IL26: variants seen among roughly 807,000 people sequenced by gnomAD.
IL26 encodes the protein interleukin 26.
In IL26, 23 loss-of-function variants were observed where a neutral mutation model predicts 21.7. The ratio of observed to expected loss-of-function variants is 1.06; its 90% CI spans 0.76 to 1.50. The LOEUF (loss-of-function observed/expected upper bound fraction) is 1.50, where lower values mean the gene tolerates loss of function less well. IL26 is among the 40% of genes most tolerant of loss of function. IL26 has a pLI of 0.00. For missense variants in IL26, 204 were observed against 196.0 expected (o/e 1.04, Z -0.24); for synonymous variants, 63 against 67.8 (o/e 0.93, Z 0.34).
At chr12:68,215,777 C>T (rs1053748986) in intron 3 of IL26, among the ~76,000 whole-genome samples, 1 of 152,080 alleles carries the variant, frequency 6.6e-6, no homozygotes, top group African/African-American at 2.4e-5. Context: ...AAGTAATCCT[C>T]GTGCCTCAGC....
In IL26 at chr12:68,201,917, T is replaced by G; in HGVS notation, c.444A>C (p.Gly148=). The G allele has an allele frequency of 6.3e-7, 1 of 1,599,758 alleles. No individual in the cohort carries two copies. The highest frequency in any genetic ancestry group is 1.1e-5 in the South Asian group (1 of 86,968). Reference sequence around the variant, plus strand: ...CCAGTTCACTGATGGCTTTGTAGATTCCTTTGTTTCCAATCTGCAGATAAA... The same window carrying G: ...CCAGTTCACTGATGGCTTTGTAGATGCCTTTGTTTCCAATCTGCAGATAAA... ...KRIFYRIGNK[G]IYKAISELDI... The change falls in exon 5 of 5, where the codon GGA becomes GGC. Residue 148 remains glycine, a synonymous_variant. Coordinates refer to ENST00000229134, the MANE Select transcript of IL26 (RefSeq NM_018402.2).
At chr12:68,216,293 A>C (rs1592899205) in intron 3 of IL26, among the ~76,000 whole-genome samples, 1 of 152,132 alleles carries the variant, frequency 6.6e-6, no homozygotes, top group South Asian at 2.1e-4. Context: ...CCGTCTCATA[A>C]AAAAATAAAT....
rs1387556989 is a variant in IL26, at chr12:68,201,633, A to T, written c.*212T>A. 3 of 419,506 alleles carry T rather than the reference A, an allele frequency of 7.2e-6. No individual in the cohort carries two copies. Among genetic ancestry groups the T allele is most frequent in the Non-Finnish European group, 1.3e-5 (3 of 237,286 alleles). The allele number at this position is 419,506 out of a possible 1,614,324, so 26.0% of individuals were successfully genotyped here. On this transcript the variant is annotated 3_prime_UTR_variant, in exon 5 of 5. Coordinates refer to ENST00000229134, the MANE Select transcript of IL26 (RefSeq NM_018402.2). ...GACAAAACATGTTCAGAATGGAAAC[A>T]TTATTTGAAAACACAGAAAATGTGC...
intron 3 of IL26, among the ~76,000 whole-genome samples, chr12:68,214,974 A>T (rs1868835174): frequency 7.0e-6 from 1 of 142,136 alleles, no homozygotes; most frequent in Non-Finnish European, 1.6e-5. Flanking sequence ...AGTATGTTTT[A>T]TTTTGTTGCT....
intron 3 of IL26, among the ~76,000 whole-genome samples, chr12:68,204,387 C>T (rs1868475996): frequency 6.6e-6 from 1 of 152,136 alleles, no homozygotes; most frequent in African/African-American, 2.4e-5. Flanking sequence ...TCATGATCTG[C>T]CCGCCTCGGC....
intron 3 of IL26, among the ~76,000 whole-genome samples, chr12:68,216,932 T>A (rs868280387): frequency 1.3e-5 from 2 of 152,224 alleles, no homozygotes; most frequent in Non-Finnish European, 2.9e-5. Flanking sequence ...ATTAGGTAAA[T>A]TATTTTATGA....
rs1040354453 is a variant in IL26 at position 68,204,221 on chromosome 12, G to C, written c.364-2138C>G. Among the ~76,000 whole-genome samples the C allele has an allele frequency of 1.6e-4, 22 of 140,464 alleles. 1 individual carries two copies. Among genetic ancestry groups the C allele is most frequent in the African/African-American group, 5.8e-4 (22 of 37,810 alleles). The allele number at this position is 140,464 out of a possible 152,430, so 92.1% of individuals were successfully genotyped here. The stretch of plus-strand genomic sequence containing the variant: ...TGCAGTGGCGCAATCTTGGCTTACT[G>C]CAAGCTCCACCCCCGGGGTTCACGC... On this transcript the variant is annotated intron_variant, in intron 3 of 4. Transcript: ENST00000229134.
chr12:68,209,453 A>G (rs1868641754), intron 3 of IL26, among the ~76,000 whole-genome samples: 1 of 152,224 alleles, frequency 6.6e-6, no homozygotes, highest in Non-Finnish European at 1.5e-5. Flanking sequence ...CTTTTAACTC[A>G]AGATACAATC....
chr12:68,225,350 T>C (rs1869211460), intron 2 of IL26, 67 bp from the exon 3 acceptor site: 1 of 1,532,080 alleles, frequency 6.5e-7, no homozygotes, highest in African/African-American at 1.4e-5. Flanking sequence ...CCCCCGATCA[T>C]TACTTAATTA....
chr12:68,203,813 A>G lies in IL26; in HGVS notation c.364-1730T>C, dbSNP rs369837188. ...GACTCTTCCTGTGAAAGGGGCTTTC[A>G]TGATTAGGCACAGCAGACTGCTGTG... On this transcript the variant is annotated intron_variant, in intron 3 of 4. Coordinates refer to ENST00000229134, the MANE Select transcript of IL26 (RefSeq NM_018402.2). Among the ~76,000 whole-genome samples the G allele has an allele frequency of 1.3e-4, 20 of 152,252 alleles. No homozygotes were observed. The East Asian group carries it at 1.4e-3, about 10-fold the overall frequency.
chr12:68,205,108 A>T (rs571893920), intron 3 of IL26, among the ~76,000 whole-genome samples: 1 of 152,290 alleles, frequency 6.6e-6, no homozygotes, highest in African/African-American at 2.4e-5. Flanking sequence ...CTCAGAGAAA[A>T]ATGTGAGATA....
At chr12:68,203,407 C>T (rs906346831) in intron 3 of IL26, among the ~76,000 whole-genome samples, 4 of 152,084 alleles carry the variant, frequency 2.6e-5, no homozygotes, top group South Asian at 2.1e-4. Flanking sequence ...TTGAATAAGC[C>T]GATTGTTTGC....
chr12:68,222,518 T>G (rs1317082510), intron 3 of IL26, among the ~76,000 whole-genome samples: 2 of 152,198 alleles, frequency 1.3e-5, no homozygotes. Context: ...CTGTTTAGCC[T>G]ATAGCATCAT....
At chr12:68,218,344 G>A (rs1006179175) in intron 3 of IL26, among the ~76,000 whole-genome samples, 4 of 152,050 alleles carry the variant, frequency 2.6e-5, no homozygotes, top group Non-Finnish European at 5.9e-5. Flanking sequence ...TGTTCTAGAA[G>A]TTAGAGAAAG....
intron 3 of IL26, among the ~76,000 whole-genome samples, chr12:68,214,553 T>A (rs12831362): frequency 2.0e-5 from 3 of 152,228 alleles, no homozygotes; most frequent in African/African-American, 4.8e-5. Flanking sequence ...TGTTATATCC[T>A]CTAGCTGAAT....
chr12:68,209,838 T>C (rs1868657010), intron 3 of IL26, among the ~76,000 whole-genome samples: 1 of 152,206 alleles, frequency 6.6e-6, no homozygotes, highest in African/African-American at 2.4e-5. Flanking sequence ...CTGCCCAGAC[T>C]GCATTCTCAC....
chr12:68,205,751 A>G (rs1012317286), intron 3 of IL26, among the ~76,000 whole-genome samples: 3 of 152,240 alleles, frequency 2.0e-5, no homozygotes, highest in Non-Finnish European at 4.4e-5. Context: ...TCTATACAGT[A>G]CTAACCCTTC....
chr12:68,220,762 G>A lies in IL26; in HGVS notation c.363+4387C>T, dbSNP rs111293674. Among the ~76,000 whole-genome samples, 60 of 152,208 alleles carry A rather than the reference G, an allele frequency of 3.9e-4. 2 individuals are homozygous for A. The highest frequency in any genetic ancestry group is 1.3e-3 in the African/African-American group (52 of 41,530). On this transcript the variant is annotated intron_variant, in intron 3 of 4. Coordinates refer to ENST00000229134, the MANE Select transcript of IL26 (RefSeq NM_018402.2). Reference sequence around the variant, plus strand: ...AGAGATTCTCCTGTCTCAGTCTCCCGAGTAGCTGGGACTACAGGCATGCGC... The same window carrying A: ...AGAGATTCTCCTGTCTCAGTCTCCCAAGTAGCTGGGACTACAGGCATGCGC...
chr12:68,207,187 C>T (rs1868566840), intron 3 of IL26, among the ~76,000 whole-genome samples: 1 of 152,108 alleles, frequency 6.6e-6, no homozygotes. Flanking sequence ...TTTCTTTTTT[C>T]ACAATGGTCC....
Sources: gnomAD v4.1 joint callset for allele counts (sites outside exome capture counted in the v4.1 genomes callset) on GRCh38, gnomAD v4.1.1 for gene constraint, MANE v1.5 for transcripts, NCBI Gene and HGNC (gene_info 2026-07-23, HGNC 2026-07-21) for gene names.